ACSL3: variants seen among roughly 807,000 people sequenced by gnomAD.
The protein encoded by ACSL3 is fatty acid CoA ligase Acsl3.
Under a neutral mutation model 84.7 loss-of-function variants are expected in ACSL3, and 34 were observed. The observed-to-expected ratio is 0.40, with a 90% CI of 0.31 to 0.53. The LOEUF is 0.53. ACSL3 is among the 20% of genes least tolerant of loss of function. The pLI is 0.48. For missense variants in ACSL3, 680 were observed against 873.1 expected (o/e 0.78, Z 2.79); for synonymous variants, 315 against 299.4 (o/e 1.05, Z -0.54).
intron 2 of ACSL3, among the ~76,000 whole-genome samples, chr2:222,889,669 A>G (rs897616160): frequency 6.6e-6 from 1 of 152,226 alleles, no homozygotes. Context: ...ATGGAAGGAG[A>G]CGGAGACAGC....
intron 1 of ACSL3, among the ~76,000 whole-genome samples, chr2:222,864,303 G>A (rs1179568765): frequency 6.6e-6 from 1 of 152,054 alleles, no homozygotes. Context: ...GAGAATTGGG[G>A]TGGCCATTTA....
At chr2:222,875,771 C>T (rs184159602) in intron 1 of ACSL3, among the ~76,000 whole-genome samples, 1 of 152,284 alleles carries the variant, frequency 6.6e-6, no homozygotes, top group South Asian at 2.1e-4. Context: ...CTCCCCTCCC[C>T]TTTTGGGTTG....
chr2:222,922,432 G>A (rs1203040175), intron 8 of ACSL3, among the ~76,000 whole-genome samples: 1 of 152,194 alleles, frequency 6.6e-6, no homozygotes, highest in Non-Finnish European at 1.5e-5. Flanking sequence ...ATTCCTGAGT[G>A]CTTTTAAGTA....
chr2:222,887,080 A>T (rs1695742457), intron 1 of ACSL3, among the ~76,000 whole-genome samples: 1 of 152,248 alleles, frequency 6.6e-6, no homozygotes, highest in African/African-American at 2.4e-5. Context: ...CTGCCTATTC[A>T]TCCTCCTCTG....
At position 222,884,749 on chromosome 2, in the gene ACSL3, A is replaced by AG. The variant is rs376498107; in HGVS notation, c.-206-3079dup. On this transcript the variant is annotated intron_variant, in intron 1 of 16. Coordinates refer to ENST00000357430, the MANE Select transcript of ACSL3 (RefSeq NM_004457.5). The stretch of plus-strand genomic sequence containing the variant: ...TAGGGATTAGGGCCTGATAACCTTG[A>AG]GGTCCTTTATTCAGCTTACTACAAC... Among the ~76,000 whole-genome samples the AG allele has an allele frequency of 3.8e-3, 584 of 152,328 alleles. 2 individuals carry two copies. Among genetic ancestry groups the AG allele is most frequent in the Middle Eastern group, 0.02 (6 of 294 alleles).
intron 16 of ACSL3, among the ~76,000 whole-genome samples, chr2:222,940,926 G>T (rs1165052377): frequency 6.6e-6 from 1 of 151,618 alleles, no homozygotes; most frequent in East Asian, 1.9e-4. Context: ...AATGAGATGG[G>T]GTTTCGCTCT....
chr2:222,925,331 G>A (rs1266626858), intron 11 of ACSL3, among the ~76,000 whole-genome samples: 1 of 127,310 alleles, frequency 7.9e-6, no homozygotes, highest in Non-Finnish European at 1.6e-5. Flanking sequence ...CAGAGTGCGA[G>A]ACTCTTGTCT....
intron 1 of ACSL3, among the ~76,000 whole-genome samples, chr2:222,871,566 C>T (rs1474487992): frequency 1.3e-5 from 2 of 152,164 alleles, no homozygotes; most frequent in East Asian, 3.9e-4. Flanking sequence ...GTATAACTCT[C>T]CAGCTGGCAG....
At chr2:222,934,855 A>G (rs1284669813) in intron 16 of ACSL3, among the ~76,000 whole-genome samples, 168 bp downstream of exon 16, 1 of 152,216 alleles carries the variant, frequency 6.6e-6, no homozygotes, top group East Asian at 1.9e-4. Context: ...GCCTTGCTAC[A>G]CAAATTAACC....
chr2:222,866,744 G>GCCCCCAC (rs1695153203), intron 1 of ACSL3, among the ~76,000 whole-genome samples: 1 of 22,730 alleles, frequency 4.4e-5, no homozygotes, highest in African/African-American at 1.2e-4. Flanking sequence ...AAACTGCCCT[G>GCCCCCAC]CCCCCCCCGC....
intron 9 of ACSL3, 70 bp downstream of exon 9, chr2:222,922,901 G>A (rs1420141515): frequency 1.3e-6 from 2 of 1,585,562 alleles, no homozygotes; most frequent in Non-Finnish European, 1.7e-6. Context: ...TTTTCAGTCA[G>A]TATGACAGTA....
Position 222,918,078 on chromosome 2 carries a change from G to T in ACSL3, c.589G>T (p.Ala197Ser). 6.2e-7 allele frequency: 1 copy of T among 1,612,138 alleles called. No individual in the cohort carries two copies. Among genetic ancestry groups the T allele is most frequent in the Non-Finnish European group, 8.5e-7 (1 of 1,178,952 alleles). ...ATTATATGCCACTCTAGGAGGTCCA[G>T]CCATTGTTCATGCATTAAATGAAAC... ...VTLYATLGGP[A>S]IVHALNETEV... Residue 197 changes from alanine to serine, a missense_variant, in exon 6 of 17, where the codon GCC becomes TCC. Physicochemically the swap from Ala to Ser is moderately conservative, Grantham distance 99. Transcript: ENST00000357430.
At chr2:222,864,793 G>A (rs954480681) in intron 1 of ACSL3, among the ~76,000 whole-genome samples, 28 of 152,156 alleles carry the variant, frequency 1.8e-4, no homozygotes, top group African/African-American at 6.8e-4. Context: ...GTTGGGATGG[G>A]ACCCAAAGTA....
At chr2:222,906,059 A>G (rs929015156) in intron 3 of ACSL3, among the ~76,000 whole-genome samples, 5 of 152,114 alleles carry the variant, frequency 3.3e-5, no homozygotes, top group African/African-American at 4.8e-5. Flanking sequence ...TTTGTGTTGT[A>G]AACTGGGCAT....
rs185997298 is a variant in ACSL3 at position 222,925,108 on chromosome 2, G to A, written c.1292+513G>A. Among the ~76,000 whole-genome samples, 7 of 152,026 alleles carry A rather than the reference G, an allele frequency of 4.6e-5. No homozygotes were observed. In the South Asian group the frequency reaches 8.3e-4, roughly 18 times the overall value. ...TCCCAGTGCTTTGGGAGGCCAAGGCGGGCAGATCACCTGAGGTCAGGAATT... is the reference window on the plus strand; with the variant it reads ...TCCCAGTGCTTTGGGAGGCCAAGGCAGGCAGATCACCTGAGGTCAGGAATT... On this transcript the variant is annotated intron_variant, in intron 11 of 16. Coordinates refer to ENST00000357430, the MANE Select transcript of ACSL3 (RefSeq NM_004457.5).
chr2:222,914,108 G>A (rs1454833654), intron 4 of ACSL3, among the ~76,000 whole-genome samples: 3 of 152,164 alleles, frequency 2.0e-5, no homozygotes, highest in Non-Finnish European at 2.9e-5. Context: ...ACAGGAATGT[G>A]TGTAATTTTG....
Position 222,922,804 on chromosome 2 carries a change from C to T in ACSL3, c.1053C>T (p.Tyr351=), listed in dbSNP as rs543153547. 3 of 1,614,178 alleles carry T rather than the reference C, an allele frequency of 1.9e-6. No individual in the cohort carries two copies. The highest frequency in any genetic ancestry group is 4.5e-5 in the East Asian group (2 of 44,886). ...TTTCTCACGGATGCCGCATTGGTTA[C>T]TCTTCACCACAGACTTTAGCAGATC... ...VCLSHGCRIG[Y]SSPQTLADQS... The change falls in exon 9 of 17, where the codon TAC becomes TAT. Residue 351 remains tyrosine, a synonymous_variant. Transcript: ENST00000357430.
At chr2:222,923,323 G>T (rs917502246) in intron 10 of ACSL3, among the ~76,000 whole-genome samples, 174 bp downstream of exon 10, 1 of 152,202 alleles carries the variant, frequency 6.6e-6, no homozygotes, top group Non-Finnish European at 1.5e-5. Context: ...GTTTTAGCTT[G>T]CTTTCTTATT....
At chr2:222,926,406 T>C (rs2106134349) in intron 11 of ACSL3, among the ~76,000 whole-genome samples, 1 of 152,294 alleles carries the variant, frequency 6.6e-6, no homozygotes, top group African/African-American at 2.4e-5. Flanking sequence ...TGCAAAGATT[T>C]TTTTTTTTAA....
Sources: allele counts gnomAD v4.1 joint callset (sites outside exome capture counted in the v4.1 genomes callset), GRCh38; gene constraint gnomAD v4.1.1; transcripts MANE v1.5; gene names NCBI Gene and HGNC (gene_info 2026-07-23, HGNC 2026-07-21).